The following SREBF2 variants were observed in gnomAD, a reference collection of about 807,000 sequenced individuals.
SREBF2 encodes sterol regulatory element binding transcription factor 2.
A neutral mutation model predicts 113.1 loss-of-function variants in SREBF2; 55 were observed. That is an observed-to-expected ratio of 0.49 (90% CI 0.39 to 0.61). The LOEUF (loss-of-function observed/expected upper bound fraction) is 0.61. SREBF2 is among the 20% of genes least tolerant of loss of function. The pLI, the probability that SREBF2 is intolerant of heterozygous loss-of-function variation, is 0.00. For synonymous variants in SREBF2, 593 were observed against 605.7 expected, an observed-to-expected ratio of 0.98 and a Z score of 0.31; for missense variants, 1,349 against 1,487.4, an observed-to-expected ratio of 0.91 and a Z score of 1.53.
At chr22:41,897,800 ACCTGTGG>A (rs2077429479) in intron 14 of SREBF2, among the ~76,000 whole-genome samples, 1 of 151,996 alleles carries the variant, frequency 6.6e-6, no homozygotes, top group African/African-American at 2.4e-5. Flanking sequence ...ATGATCCCTG[ACCTGTGG>A]CCTCTGTTTT....
rs2077284847 is a variant in SREBF2 at position 41,884,853 on chromosome 22, G to A, written c.2050G>A (p.Ala684Thr). 1.2e-6 allele frequency: 2 copies of A among 1,614,196 alleles called. No individual in the cohort carries two copies. The highest frequency in any genetic ancestry group is 1.3e-5 in the African/African-American group (1 of 75,036). ...HQLHITGKLP[A>T]GSACSDVHMA... ...TCTGCCCACCCTAGGGAAGCTTCCT[G>A]CAGGATCCGCCTGTTCCGATGTACA... Residue 684 changes from alanine (A) to threonine (T), a missense_variant, in exon 11 of 19, where the codon GCA (alanine) becomes ACA (threonine). By Grantham distance (58) the Ala-to-Thr change is moderately conservative. Coordinates refer to ENST00000361204, the MANE Select transcript of SREBF2 (RefSeq NM_004599.4).
At chr22:41,854,124 A>G (rs1482964039) in intron 1 of SREBF2, among the ~76,000 whole-genome samples, 2 of 146,676 alleles carry the variant, frequency 1.4e-5, no homozygotes, top group African/African-American at 4.9e-5. Context: ...AGTCAGTGCC[A>G]GTTTTTTTGT....
intron 17 of SREBF2, among the ~76,000 whole-genome samples, chr22:41,903,828 C>A (rs1258328496): frequency 6.6e-6 from 1 of 152,186 alleles, no homozygotes; most frequent in Non-Finnish European, 1.5e-5. Context: ...ATTCAGCCCC[C>A]ACACCCATCA....
intron 4 of SREBF2, 136 bp downstream of exon 4, chr22:41,871,171 T>A: frequency 8.2e-7 from 1 of 1,214,240 alleles, no homozygotes; most frequent in Non-Finnish European, 1.1e-6. Flanking sequence ...ATTGTAAATG[T>A]CACCCCTCTT....
intron 15 of SREBF2, 124 bp downstream of exon 15, chr22:41,898,905 C>G: frequency 1.0e-5 from 15 of 1,428,728 alleles, no homozygotes; most frequent in South Asian, 6.1e-5. Context: ...GACAGGTGGG[C>G]GGCTAGAAAA....
rs1249356662 is a variant in SREBF2 at position 41,894,869 on chromosome 22, G to A, written c.2427G>A (p.Glu809=). The A allele has an allele frequency of 6.2e-7, 1 of 1,614,150 alleles. No individual in the cohort carries two copies. ...VHQAFCKNLL[E]RAIESLVKPQ... ...AGGCCTTCTGCAAGAACCTGCTGGA[G>A]CGAGCTATAGAGTCCTTGGTGAAAC... The change falls in exon 13 of 19, where the codon GAG becomes GAA. Residue 809 remains glutamate, a synonymous_variant. Transcript: ENST00000361204.
chr22:41,876,230 G>A (rs1260028259), intron 7 of SREBF2, among the ~76,000 whole-genome samples: 2 of 152,192 alleles, frequency 1.3e-5, no homozygotes, highest in South Asian at 2.1e-4. Flanking sequence ...CTTAAGAGAC[G>A]CTCTGAGCCT....
intron 1 of SREBF2, among the ~76,000 whole-genome samples, chr22:41,856,380 C>T (rs1053559362): frequency 6.6e-6 from 1 of 152,162 alleles, no homozygotes; most frequent in Admixed American, 6.5e-5. Flanking sequence ...CTGGCCACCT[C>T]AGCCTCTCAA....
intron 11 of SREBF2, among the ~76,000 whole-genome samples, chr22:41,886,973 G>A (rs1177156234): frequency 1.3e-5 from 2 of 152,358 alleles, no homozygotes; most frequent in East Asian, 3.9e-4. Context: ...GGTGGAGGGT[G>A]CATTGAGCGG....
chr22:41,877,623 A>G (rs1323599514), intron 8 of SREBF2, among the ~76,000 whole-genome samples: 1 of 152,190 alleles, frequency 6.6e-6, no homozygotes, highest in African/African-American at 2.4e-5. Context: ...CAGAATGAGC[A>G]AAACAAATCA....
chr22:41,858,915 G>A (rs2077000365), intron 1 of SREBF2, among the ~76,000 whole-genome samples: 2 of 152,082 alleles, frequency 1.3e-5, no homozygotes, highest in African/African-American at 4.8e-5. Context: ...AGGCTGAGGC[G>A]GGTGGATCAC....
chr22:41,900,228 T>C (rs1200475167), intron 15 of SREBF2, 102 bp from the exon 16 acceptor site: 25 of 1,554,666 alleles, frequency 1.6e-5, no homozygotes, highest in Non-Finnish European at 2.0e-5. Context: ...GATGCACATG[T>C]CATATCAGTG....
rs2077318893 is a variant in SREBF2 at position 41,888,323 on chromosome 22, G to T, written c.2208+3312G>T. On this transcript the variant is annotated intron_variant, in intron 11 of 18. Coordinates refer to ENST00000361204, the MANE Select transcript of SREBF2 (RefSeq NM_004599.4). ...GAATTAATTTTTATAAGAGTTGGAG[G>T]TAGGAGTGCAAGATCTGTTTTTCTC... Among the ~76,000 whole-genome samples the T allele has an allele frequency of 2.6e-5, 4 of 152,198 alleles. No individual in the cohort carries two copies. In the South Asian group the frequency reaches 8.3e-4, roughly 32 times the overall value.
At chr22:41,864,009 C>A (rs909979379) in intron 1 of SREBF2, among the ~76,000 whole-genome samples, 1 of 150,696 alleles carries the variant, frequency 6.6e-6, no homozygotes, top group African/African-American at 2.4e-5. Context: ...CTCAGCCTCC[C>A]GAGTAGCTGG....
intron 16 of SREBF2, among the ~76,000 whole-genome samples, chr22:41,901,358 T>C (rs1340175197): frequency 2.0e-5 from 3 of 152,088 alleles, no homozygotes; most frequent in African/African-American, 7.2e-5. Context: ...GGACAGGCAA[T>C]GTGCAGAAAA....
chr22:41,903,319 G>A (rs2077480728), intron 17 of SREBF2, among the ~76,000 whole-genome samples, 164 bp downstream of exon 17: 2 of 152,250 alleles, frequency 1.3e-5, no homozygotes, highest in African/African-American at 4.8e-5. Flanking sequence ...TGGGCTAGGC[G>A]CCATGTGTCC....
intron 11 of SREBF2, 118 bp downstream of exon 11, chr22:41,885,129 G>T: frequency 8.0e-7 from 1 of 1,245,016 alleles, no homozygotes; most frequent in Non-Finnish European, 1.1e-6. Flanking sequence ...ACCTGGAGGG[G>T]TAGGCAGGCA....
intron 4 of SREBF2, 35 bp from the exon 5 acceptor site, chr22:41,873,763 G>T: frequency 6.4e-7 from 1 of 1,564,084 alleles, no homozygotes; most frequent in South Asian, 1.2e-5. Flanking sequence ...GACTAACAAA[G>T]GGATCATTCT....
intron 17 of SREBF2, among the ~76,000 whole-genome samples, chr22:41,903,793 C>T (rs1000304057): frequency 2.6e-5 from 4 of 152,170 alleles, no homozygotes; most frequent in Admixed American, 6.5e-5. Flanking sequence ...GGCCTCAGAG[C>T]GAGGCTGCTG....
Sources: gnomAD v4.1 joint callset for allele counts (sites outside exome capture counted in the v4.1 genomes callset) on GRCh38, gnomAD v4.1.1 for gene constraint, MANE v1.5 for transcripts, NCBI Gene and HGNC (gene_info 2026-07-23, HGNC 2026-07-21) for gene names.